MAPK4: variants seen among roughly 807,000 people sequenced by gnomAD.
MAPK4 encodes the protein Erk3-related.
MAPK4 carries 22 observed loss-of-function variants against 47.7 expected under a neutral mutation model. The ratio of observed to expected loss-of-function variants is 0.46; its 90% confidence interval spans 0.33 to 0.66. MAPK4 has a LOEUF of 0.66. Ranked by LOEUF, MAPK4 falls within the 30% of genes least tolerant of loss-of-function variation. The pLI, the probability that MAPK4 is intolerant of heterozygous loss-of-function variation, is 0.02. For missense variants in MAPK4, 736 were observed against 831.7 expected (o/e 0.88, Z 1.42); for synonymous variants, 390 against 365.7 (o/e 1.07, Z -0.76).
intron 5 of MAPK4, among the ~76,000 whole-genome samples, chr18:50,728,727 C>T (rs1911339215): frequency 6.6e-6 from 1 of 152,172 alleles, no homozygotes; most frequent in African/African-American, 2.4e-5. Flanking sequence ...AATCTCAGGC[C>T]CCATCTCAGA....
chr18:50,676,163 C>A (rs1373482468), intron 2 of MAPK4, among the ~76,000 whole-genome samples: 3 of 152,216 alleles, frequency 2.0e-5, no homozygotes, highest in Non-Finnish European at 4.4e-5. Flanking sequence ...TCTTTACCCT[C>A]ATCCCTTGTA....
chr18:50,720,717 T>C (rs1021340673), intron 3 of MAPK4, among the ~76,000 whole-genome samples: 10 of 152,176 alleles, frequency 6.6e-5, no homozygotes, highest in African/African-American at 2.2e-4. Flanking sequence ...CATGGTCCCC[T>C]GGTGGGTGGT....
At position 50,612,085 on chromosome 18, in the gene MAPK4, G is replaced by C. The variant is rs117230845; in HGVS notation, c.-870-51004G>C. ...ACTTCTTTAGGCTCCCTCCTAGGAA[G>C]CTCTCTTCACCCTCCCATTCTGACC... is the stretch of plus-strand genomic sequence containing the variant. On this transcript the variant is annotated intron_variant, in intron 1 of 5. Coordinates refer to ENST00000400384, the MANE Select transcript of MAPK4 (RefSeq NM_002747.4). Among the ~76,000 whole-genome samples the C allele has an allele frequency of 2.5e-3, 376 of 152,268 alleles. 3 individuals carry two copies. The East Asian group carries it at 0.04, about 16-fold the overall frequency.
chr18:50,690,759 A>G (rs1260860052), intron 2 of MAPK4, among the ~76,000 whole-genome samples: 1 of 152,228 alleles, frequency 6.6e-6, no homozygotes, highest in African/African-American at 2.4e-5. Context: ...TTGAGGAACG[A>G]CATTCACTCT....
intron 2 of MAPK4, among the ~76,000 whole-genome samples, chr18:50,696,020 C>T (rs1302795425): frequency 6.6e-6 from 1 of 151,706 alleles, no homozygotes; most frequent in Non-Finnish European, 1.5e-5. Flanking sequence ...GTGTTTTCAG[C>T]ACAGTACTCA....
intron 2 of MAPK4, among the ~76,000 whole-genome samples, chr18:50,685,763 C>T (rs868323969): frequency 3.3e-5 from 5 of 152,136 alleles, no homozygotes; most frequent in South Asian, 2.1e-4. Context: ...TCACACCTTC[C>T]GACGGTTTGG....
intron 1 of MAPK4, among the ~76,000 whole-genome samples, chr18:50,645,988 CTT>C (rs2042985467): frequency 6.6e-6 from 1 of 152,176 alleles, no homozygotes. Flanking sequence ...TTTCAGCAAT[CTT>C]TTGTGTGGTA....
rs561620612 is a variant in MAPK4, at chr18:50,569,367, A to G, written c.-871+9124A>G. Among the ~76,000 whole-genome samples, 5 of 152,322 alleles carry G rather than the reference A, an allele frequency of 3.3e-5. No homozygotes were observed. In the East Asian group the frequency reaches 5.8e-4, roughly 18 times the overall value. On this transcript the variant is annotated intron_variant, in intron 1 of 5. Coordinates refer to ENST00000400384, the MANE Select transcript of MAPK4 (RefSeq NM_002747.4). ...ACTTCAGGACATTTGATAATTTGAGACTTTGGATAATCATAATAAAGATGA... is the reference window on the plus strand; with the variant it reads ...ACTTCAGGACATTTGATAATTTGAGGCTTTGGATAATCATAATAAAGATGA...
intron 1 of MAPK4, among the ~76,000 whole-genome samples, chr18:50,605,709 G>A (rs999702859): frequency 1.2e-4 from 19 of 152,196 alleles, no homozygotes; most frequent in Non-Finnish European, 5.9e-5. Flanking sequence ...AGGTAGAGGG[G>A]AGGAGGACCC....
At chr18:50,598,201 T>C (rs1167888577) in intron 1 of MAPK4, among the ~76,000 whole-genome samples, 2 of 152,230 alleles carry the variant, frequency 1.3e-5, no homozygotes, top group African/African-American at 4.8e-5. Flanking sequence ...TAATATTAGA[T>C]ACCTACTGCA....
At chr18:50,651,522 T>G (rs992153060) in intron 1 of MAPK4, among the ~76,000 whole-genome samples, 9 of 152,230 alleles carry the variant, frequency 5.9e-5, no homozygotes, top group African/African-American at 1.7e-4. Context: ...AAAGCAAGTG[T>G]ACAACCACGT....
chr18:50,713,344 G>A (rs773085379), intron 2 of MAPK4, among the ~76,000 whole-genome samples: 10 of 152,202 alleles, frequency 6.6e-5, no homozygotes, highest in Non-Finnish European at 1.0e-4. Flanking sequence ...GGCATAAGTG[G>A]CTATCAACTT....
chr18:50,599,910 T>C (rs1205319954), intron 1 of MAPK4, among the ~76,000 whole-genome samples: 1 of 152,198 alleles, frequency 6.6e-6, no homozygotes, highest in Non-Finnish European at 1.5e-5. Flanking sequence ...TTAATCTATA[T>C]GTTATATTAC....
intron 1 of MAPK4, among the ~76,000 whole-genome samples, chr18:50,573,631 C>G (rs1167461881): frequency 6.6e-6 from 1 of 152,168 alleles, no homozygotes; most frequent in Non-Finnish European, 1.5e-5. Flanking sequence ...GTATGCATCT[C>G]CCATACCCAG....
chr18:50,706,655 G>A (rs1910074774), intron 2 of MAPK4, among the ~76,000 whole-genome samples: 3 of 152,156 alleles, frequency 2.0e-5, no homozygotes, highest in African/African-American at 4.8e-5. Flanking sequence ...CTTTGGCCTA[G>A]CAGGGCTTCT....
At position 50,695,335 on chromosome 18, in the gene MAPK4, T is replaced by C. The variant is rs550245471; in HGVS notation, c.547-19744T>C. Among the ~76,000 whole-genome samples the C allele has an allele frequency of 2.2e-3, 190 of 86,732 alleles. 1 individual carries two copies. The highest frequency in any genetic ancestry group is 8.9e-3 in the African/African-American group (173 of 19,476). The allele number at this position is 86,732 out of a possible 152,430, so 56.9% of individuals were successfully genotyped here. A position where few individuals can be genotyped will look rare whatever the true frequency, so the allele number is the denominator to read the frequency against. ...CACCCTGGCCTAGGTCAAGGCTCCA[T>C]CTTAAAAAAAAAAAAAAAAAAAAAA... On this transcript the variant is annotated intron_variant, in intron 2 of 5. Coordinates refer to ENST00000400384, the MANE Select transcript of MAPK4 (RefSeq NM_002747.4).
rs149389802 is a variant in MAPK4, at chr18:50,629,086, T to C, written c.-870-34003T>C. 1.3e-3 allele frequency among the ~76,000 whole-genome samples: 201 copies of C among 152,374 alleles called. 2 individuals carry two copies. The highest frequency in any genetic ancestry group is 4.5e-3 in the African/African-American group (188 of 41,590). ...TTAGAGTTTCATTGCTTGACTTCGT[T>C]CTTTCTGCTTTGTGGGGGCTTTCTC... is the stretch of plus-strand genomic sequence containing the variant. On this transcript the variant is annotated intron_variant, in intron 1 of 5. Coordinates refer to ENST00000400384, the MANE Select transcript of MAPK4 (RefSeq NM_002747.4).
chr18:50,565,557 C>T (rs1047270007), intron 1 of MAPK4, among the ~76,000 whole-genome samples: 1 of 152,142 alleles, frequency 6.6e-6, no homozygotes, highest in Non-Finnish European at 1.5e-5. Context: ...AACACTTGCC[C>T]CCTCATTTTG....
rs1289648413 is a variant in MAPK4 at position 50,656,049 on chromosome 18, GAGATCCA to G, written c.-870-7039_-870-7033del. Among the ~76,000 whole-genome samples the G allele has an allele frequency of 8.5e-5, 13 of 152,184 alleles. No homozygotes were observed. In the East Asian group the frequency reaches 2.3e-3, roughly 27 times the overall value. ...ATTCTATCTGACTCTGGAATCTAAT[GAGATCCA>G]TGCCAGGTGAGACCCAGGACCCCAG... On this transcript the variant is annotated intron_variant, in intron 1 of 5. Coordinates refer to ENST00000400384, the MANE Select transcript of MAPK4 (RefSeq NM_002747.4).
Sources: allele counts gnomAD v4.1 joint callset (sites outside exome capture counted in the v4.1 genomes callset), GRCh38; gene constraint gnomAD v4.1.1; transcripts MANE v1.5; gene names NCBI Gene and HGNC (gene_info 2026-07-23, HGNC 2026-07-21).